The following NKAIN3 variants were observed in gnomAD, a reference collection of about 807,000 sequenced individuals.
The protein encoded by NKAIN3 is sodium/potassium-transporting ATPase subunit beta-1-interacting protein 3.
In NKAIN3, 25 loss-of-function variants were observed where a neutral mutation model predicts 30.2. The observed-to-expected ratio is 0.83, with a 90% CI of 0.60 to 1.16. The LOEUF (loss-of-function observed/expected upper bound fraction) is 1.16. NKAIN3 is among the 50% of genes most tolerant of loss of function. NKAIN3 has a pLI of 0.00. For synonymous variants in NKAIN3, 91 were observed against 89.6 expected (o/e 1.02, Z -0.09); for missense variants, 225 against 254.1 (o/e 0.89, Z 0.78).
At chr8:62,411,634 A>G (rs1027522450) in intron 1 of NKAIN3, among the ~76,000 whole-genome samples, 6 of 152,212 alleles carry the variant, frequency 3.9e-5, no homozygotes, top group African/African-American at 1.4e-4. Flanking sequence ...CCCTGATGAT[A>G]TGATTTTATA....
At chr8:62,711,966 A>G (rs1814736201) in intron 3 of NKAIN3, among the ~76,000 whole-genome samples, 1 of 152,108 alleles carries the variant, frequency 6.6e-6, no homozygotes, top group African/African-American at 2.4e-5. Flanking sequence ...TTTCCTATGG[A>G]TGTGGCTTCC....
At chr8:62,703,150 A>G (rs2130472889) in intron 3 of NKAIN3, among the ~76,000 whole-genome samples, 1 of 152,238 alleles carries the variant, frequency 6.6e-6, no homozygotes, top group African/African-American at 2.4e-5. Flanking sequence ...AAATTTAATT[A>G]CCTGTACCCT....
chr8:62,971,651 G>GA lies in NKAIN3; in HGVS notation c.*6244_*6245insA, dbSNP rs1276693718. The stretch of plus-strand genomic sequence containing the variant: ...TTGTCTCAAAAAAAAAGCGGGGGGG[G>GA]CTTCATTTATTAGTAAGAAGGAAAA... On this transcript the variant is annotated 3_prime_UTR_variant, in exon 7 of 7. Coordinates refer to ENST00000623646, the MANE Select transcript of NKAIN3 (RefSeq NM_001304533.3). Among the ~76,000 whole-genome samples the GA allele has an allele frequency of 9.2e-5, 14 of 151,896 alleles. No individual in the cohort carries two copies. Among genetic ancestry groups the GA allele is most frequent in the African/African-American group, 3.4e-4 (14 of 41,392 alleles).
At chr8:62,622,779 A>G (rs1811658075) in intron 3 of NKAIN3, among the ~76,000 whole-genome samples, 1 of 151,964 alleles carries the variant, frequency 6.6e-6, no homozygotes, top group South Asian at 2.1e-4. Context: ...TAATTTTTAT[A>G]AGATCCAATT....
At chr8:62,275,698 T>G (rs552409956) in intron 1 of NKAIN3, among the ~76,000 whole-genome samples, 7 of 152,346 alleles carry the variant, frequency 4.6e-5, no homozygotes, top group African/African-American at 1.7e-4. Context: ...TTTAGTGCAA[T>G]GAATCACATT....
chr8:62,697,050 T>C (rs1383802114), intron 3 of NKAIN3, among the ~76,000 whole-genome samples: 4 of 152,226 alleles, frequency 2.6e-5, no homozygotes, highest in Non-Finnish European at 1.5e-5. Flanking sequence ...GGGCTGAATC[T>C]TTTCATGCTT....
In NKAIN3 at chr8:62,398,792, T is replaced by C. The variant is rs73684984; in HGVS notation, c.54+149665T>C. Among the ~76,000 whole-genome samples, 811 of 152,350 alleles carry C rather than the reference T, an allele frequency of 5.3e-3. 6 individuals are homozygous for C. Among genetic ancestry groups the C allele is most frequent in the African/African-American group, 0.018 (764 of 41,588 alleles). ...TGAAGATCAGAGTGGGTTGTGATGT[T>C]AAATATAAGAAATTATAGGCCGGGA... On this transcript the variant is annotated intron_variant, in intron 1 of 6. Coordinates refer to ENST00000623646, the MANE Select transcript of NKAIN3 (RefSeq NM_001304533.3).
chr8:62,768,628 T>C (rs969441433), intron 4 of NKAIN3, among the ~76,000 whole-genome samples: 1 of 152,132 alleles, frequency 6.6e-6, no homozygotes, highest in Non-Finnish European at 1.5e-5. Context: ...CAACAGGAAA[T>C]AGCAGCTCTG....
At chr8:62,287,943 T>C (rs1343161492) in intron 1 of NKAIN3, among the ~76,000 whole-genome samples, 3 of 152,204 alleles carry the variant, frequency 2.0e-5, no homozygotes, top group African/African-American at 7.2e-5. Flanking sequence ...CTGTATGTTC[T>C]AGCACTTCCT....
At position 62,560,295 on chromosome 8, in the gene NKAIN3, G is replaced by T. The variant is rs148970043; in HGVS notation, c.55-19244G>T. 1.4e-3 allele frequency among the ~76,000 whole-genome samples: 211 copies of T among 151,968 alleles called. 2 individuals are homozygous for T. Among genetic ancestry groups the T allele is most frequent in the African/African-American group, 3.7e-3 (153 of 41,490 alleles). On this transcript the variant is annotated intron_variant, in intron 1 of 6. Transcript: ENST00000623646. ...TTTACTCATCTTCTTGCATCTGTAG[G>T]TTTATTTCTCTTGCTAAATTTGGGG... is the stretch of plus-strand genomic sequence containing the variant.
At chr8:62,777,674 G>A (rs935407470) in intron 4 of NKAIN3, among the ~76,000 whole-genome samples, 6 of 152,124 alleles carry the variant, frequency 3.9e-5, no homozygotes, top group African/African-American at 1.4e-4. Flanking sequence ...ACATACGTCT[G>A]TCTCTCCATG....
intron 4 of NKAIN3, among the ~76,000 whole-genome samples, chr8:62,857,817 C>T (rs1026855395): frequency 3.3e-5 from 5 of 152,110 alleles, no homozygotes; most frequent in Admixed American, 2.0e-4. Flanking sequence ...CATTTTTATC[C>T]ACATTCTGAA....
At position 62,298,341 on chromosome 8, in the gene NKAIN3, A is replaced by T. The variant is rs1362644024; in HGVS notation, c.54+49214A>T. ...GTATCATAATAATAAAATAAAATAA[A>T]GGATCTTTCAAAGAATACCTCTGAT... On this transcript the variant is annotated intron_variant, in intron 1 of 6. Coordinates refer to ENST00000623646, the MANE Select transcript of NKAIN3 (RefSeq NM_001304533.3). Among the ~76,000 whole-genome samples, 3 of 152,156 alleles carry T rather than the reference A, an allele frequency of 2.0e-5. No individual in the cohort carries two copies. In the East Asian group the frequency reaches 5.8e-4, roughly 29 times the overall value.
chr8:62,508,790 C>T (rs1321719410), intron 1 of NKAIN3, among the ~76,000 whole-genome samples: 1 of 152,100 alleles, frequency 6.6e-6, no homozygotes, highest in Non-Finnish European at 1.5e-5. Flanking sequence ...TTTTAAGTTA[C>T]AATTTATTGA....
At chr8:62,372,696 TTA>T (rs751132173) in intron 1 of NKAIN3, among the ~76,000 whole-genome samples, 2 of 152,148 alleles carry the variant, frequency 1.3e-5, no homozygotes, top group African/African-American at 4.8e-5. Flanking sequence ...CATTTTTATT[TTA>T]TGTTTCCTTG....
intron 1 of NKAIN3, among the ~76,000 whole-genome samples, chr8:62,282,191 C>G (rs907545382): frequency 2.6e-5 from 4 of 152,056 alleles, no homozygotes; most frequent in African/African-American, 4.8e-5. Context: ...AAAACCCACT[C>G]GGGAAATTGG....
intron 4 of NKAIN3, among the ~76,000 whole-genome samples, chr8:62,907,110 G>A (rs995962127): frequency 6.6e-6 from 1 of 152,142 alleles, no homozygotes; most frequent in African/African-American, 2.4e-5. Context: ...GAACTTGTTG[G>A]AAAGTAAAAT....
At chr8:62,633,003 C>T (rs187344334) in intron 3 of NKAIN3, among the ~76,000 whole-genome samples, 250 of 152,220 alleles carry the variant, frequency 1.6e-3, no homozygotes, top group Non-Finnish European at 2.1e-3. Context: ...AGAGGCACAG[C>T]AGGGTGGATC....
At position 62,974,166 on chromosome 8, in the gene NKAIN3, T is replaced by C. The variant is rs60751452; in HGVS notation, c.*8759T>C. Among the ~76,000 whole-genome samples the C allele has an allele frequency of 0.11, 16,152 of 151,776 alleles. 898 individuals carry two copies. The highest frequency in any genetic ancestry group is 0.17 in the South Asian group (821 of 4,810). ...TATATGGGCTCTTTTTGGTTCCCTA[T>C]GAAATTTAAAGTAGTTTTTTCTAAT... On this transcript the variant is annotated 3_prime_UTR_variant, in exon 7 of 7. Coordinates refer to ENST00000623646, the MANE Select transcript of NKAIN3 (RefSeq NM_001304533.3).
Sources: allele counts gnomAD v4.1 joint callset (sites outside exome capture counted in the v4.1 genomes callset), GRCh38; gene constraint gnomAD v4.1.1; transcripts MANE v1.5; gene names NCBI Gene and HGNC (gene_info 2026-07-23, HGNC 2026-07-21).